Variants in SLC30A4 observed in about 807,000 individuals in gnomAD.
The protein encoded by SLC30A4 is probable proton-coupled zinc antiporter SLC30A4.
SLC30A4 carries 20 observed loss-of-function variants against 41.7 expected under a neutral mutation model. The ratio of observed to expected loss-of-function variants is 0.48; its 90% CI spans 0.34 to 0.70. The LOEUF is 0.70. Ranked by LOEUF, SLC30A4 falls within the 30% of genes least tolerant of loss-of-function variation. The pLI is 0.01. For missense variants in SLC30A4, 441 were observed against 529.3 expected, an observed-to-expected ratio of 0.83 and a Z score of 1.64; for synonymous variants, 181 against 195.9, an observed-to-expected ratio of 0.92 and a Z score of 0.64.
chr15:45,516,437 G>A (rs1892478862), intron 2 of SLC30A4, among the ~76,000 whole-genome samples: 1 of 152,164 alleles, frequency 6.6e-6, no homozygotes, highest in Admixed American at 6.6e-5. Flanking sequence ...TGGCTTAGGT[G>A]TTTGCTTTCT....
chr15:45,508,043 G>A (rs1458131398), intron 3 of SLC30A4, among the ~76,000 whole-genome samples: 1 of 151,878 alleles, frequency 6.6e-6, no homozygotes, highest in East Asian at 1.9e-4. Flanking sequence ...GGCTGGTCTC[G>A]AACTTCTGGG....
rs1191223118 is a variant in SLC30A4 at position 45,511,304 on chromosome 15, G to A, written c.392-20C>T. The A allele has an allele frequency of 3.4e-6, 5 of 1,482,286 alleles. No homozygotes were observed. The highest frequency in any genetic ancestry group is 2.4e-5 in the East Asian group (1 of 41,150). 91.8% of individuals were successfully genotyped at this position (1,482,286 alleles called of 1,614,324 possible). On this transcript the variant is annotated intron_variant, in intron 2 of 7. Coordinates refer to ENST00000261867, the MANE Select transcript of SLC30A4 (RefSeq NM_013309.6). ...ATCCACCTTAGAGTTACAAGTAGGA[G>A]AAAAAAGGAACAAGTTAATTTTTTA...
At chr15:45,504,210 A>G (rs1311599973) in intron 3 of SLC30A4, among the ~76,000 whole-genome samples, 3 of 152,368 alleles carry the variant, frequency 2.0e-5, no homozygotes, top group African/African-American at 4.8e-5. Flanking sequence ...TGTGAATAGC[A>G]TATAACAACA....
intron 2 of SLC30A4, among the ~76,000 whole-genome samples, chr15:45,511,756 T>G (rs1307953610): frequency 1.3e-5 from 2 of 152,254 alleles, no homozygotes; most frequent in Non-Finnish European, 2.9e-5. Flanking sequence ...GTGTTGGGAT[T>G]ATAGGCGTAA....
At position 45,522,230 on chromosome 15, in the gene SLC30A4, C is replaced by A. The variant is rs1381696265; in HGVS notation, c.125G>T (p.Arg42Leu). Residue 42 changes from arginine (R) to leucine (L), a missense_variant, in exon 2 of 8, where the codon CGG becomes CTG. By Grantham distance (102) the Arg-to-Leu change is moderately radical. Coordinates refer to ENST00000261867, the MANE Select transcript of SLC30A4 (RefSeq NM_013309.6). ...SDEAGDEGLS[R>L]FNKLRVVVAD... ...CACCACAACTCGAAGTTTGTTGAAC[C>A]GAGAAAGCCCCTCGTCCCCCGCCTC... is the stretch of plus-strand genomic sequence containing the variant. The A allele has an allele frequency of 1.9e-6, 3 of 1,614,218 alleles. No individual in the cohort carries two copies. In the South Asian group the frequency reaches 3.3e-5, roughly 18 times the overall value.
intron 3 of SLC30A4, among the ~76,000 whole-genome samples, chr15:45,503,145 A>G (rs779638204): frequency 1.3e-5 from 2 of 152,200 alleles, no homozygotes; most frequent in Admixed American, 6.5e-5. Flanking sequence ...AGATACATGT[A>G]TCAGCTGTAA....
chr15:45,511,109 A>C (rs1465039902), intron 3 of SLC30A4, 29 bp downstream of exon 3: 2 of 1,582,178 alleles, frequency 1.3e-6, no homozygotes, highest in African/African-American at 2.7e-5. Context: ...ATAAAATATT[A>C]TAAAGCAAAA....
At chr15:45,514,482 G>A (rs954880293) in intron 2 of SLC30A4, among the ~76,000 whole-genome samples, 1 of 145,254 alleles carries the variant, frequency 6.9e-6, no homozygotes, top group Non-Finnish European at 1.5e-5. Flanking sequence ...ACTCCTTCCT[G>A]TTATTTGGAG....
intron 5 of SLC30A4, among the ~76,000 whole-genome samples, chr15:45,488,476 G>A (rs1023137614): frequency 6.6e-6 from 1 of 152,046 alleles, no homozygotes; most frequent in African/African-American, 2.4e-5. Flanking sequence ...GGGAGGCTGG[G>A]GCATGACAAT....
intron 3 of SLC30A4, among the ~76,000 whole-genome samples, chr15:45,496,948 G>A (rs984703341): frequency 6.6e-6 from 1 of 151,710 alleles, no homozygotes; most frequent in Non-Finnish European, 1.5e-5. Context: ...GATAGCTTGA[G>A]CACAGGAGGT....
At chr15:45,516,688 T>G (rs1892489518) in intron 2 of SLC30A4, among the ~76,000 whole-genome samples, 1 of 152,076 alleles carries the variant, frequency 6.6e-6, no homozygotes, top group South Asian at 2.1e-4. Flanking sequence ...GGCCAACATG[T>G]TGAAACTCCG....
chr15:45,488,630 C>G (rs1187687845), intron 5 of SLC30A4, among the ~76,000 whole-genome samples: 2 of 152,014 alleles, frequency 1.3e-5, no homozygotes, highest in Non-Finnish European at 2.9e-5. Flanking sequence ...GAAGGCACTA[C>G]AAAAGCCAAA....
In SLC30A4 at chr15:45,481,110, T is replaced by G. The variant is rs1261836921; in HGVS notation, c.*4053A>C. The G allele has an allele frequency of 2.6e-5, 4 of 152,160 alleles. No individual in the cohort carries two copies. Among genetic ancestry groups the G allele is most frequent in the African/African-American group, 9.7e-5 (4 of 41,436 alleles). The allele number at this position is 152,160 out of a possible 1,614,324, so 9.4% of individuals were successfully genotyped here. On this transcript the variant is annotated 3_prime_UTR_variant, in exon 8 of 8. Coordinates refer to ENST00000261867, the MANE Select transcript of SLC30A4 (RefSeq NM_013309.6). The stretch of plus-strand genomic sequence containing the variant: ...AACACTGTCAGGTGGAACACCTGGG[T>G]TCAAAAGGAACACTAAGTCTCGTAA...
chr15:45,507,448 TTAA>T (rs1237883329), intron 3 of SLC30A4, among the ~76,000 whole-genome samples: 4 of 151,578 alleles, frequency 2.6e-5, no homozygotes, highest in African/African-American at 9.7e-5. Flanking sequence ...TCTGAGCATA[TTAA>T]TAAGATAATT....
chr15:45,520,111 T>G (rs1892618710), intron 2 of SLC30A4, among the ~76,000 whole-genome samples: 1 of 152,294 alleles, frequency 6.6e-6, no homozygotes, highest in African/African-American at 2.4e-5. Flanking sequence ...ACAGGTAATA[T>G]TAAATGAGTA....
rs1891672221 is a variant in SLC30A4 at position 45,485,182 on chromosome 15, C to G, written c.1271G>C (p.Cys424Ser). 1 of 1,612,262 alleles carries G rather than the reference C, an allele frequency of 6.2e-7. No homozygotes were observed. ...RQEVDRTCAN[C>S]QSSSP ...ATAAAATTAGGGACTAGAACTCTGA[C>G]AATTTGCACAAGTTCTGTCCACTTC... Residue 424 changes from cysteine to serine, a missense_variant, in exon 8 of 8, where the codon TGT (cysteine) becomes TCT (serine). By Grantham distance (112) the Cys-to-Ser change is moderately radical (BLOSUM62 -1). Coordinates refer to ENST00000261867, the MANE Select transcript of SLC30A4 (RefSeq NM_013309.6).
intron 3 of SLC30A4, among the ~76,000 whole-genome samples, chr15:45,491,354 A>T (rs1263291608): frequency 6.6e-6 from 1 of 152,258 alleles, no homozygotes; most frequent in Non-Finnish European, 1.5e-5. Flanking sequence ...ACAAGGTAGA[A>T]AATGACAAAA....
At chr15:45,493,408 T>C (rs1595523368) in intron 3 of SLC30A4, among the ~76,000 whole-genome samples, 1 of 152,198 alleles carries the variant, frequency 6.6e-6, no homozygotes, top group Non-Finnish European at 1.5e-5. Context: ...GAACAACTCA[T>C]TGCTCAAAAG....
chr15:45,499,918 G>A (rs1476308550), intron 3 of SLC30A4, among the ~76,000 whole-genome samples: 1 of 152,192 alleles, frequency 6.6e-6, no homozygotes, highest in Non-Finnish European at 1.5e-5. Flanking sequence ...AGTAGCAACA[G>A]AACAGAACTG....
Sources: gnomAD v4.1 joint callset for allele counts (sites outside exome capture counted in the v4.1 genomes callset) on GRCh38, gnomAD v4.1.1 for gene constraint, MANE v1.5 for transcripts, NCBI Gene and HGNC (gene_info 2026-07-23, HGNC 2026-07-21) for gene names.